FBXL7: variants seen among roughly 807,000 people sequenced by gnomAD.
FBXL7 encodes F-box and leucine rich repeat protein 7.
Under a neutral mutation model 38.3 loss-of-function variants are expected in FBXL7, and 12 were observed. The ratio of observed to expected loss-of-function variants is 0.31; its 90% confidence interval spans 0.20 to 0.51. The LOEUF is 0.51. Ranked by LOEUF, FBXL7 falls within the 20% of genes least tolerant of loss-of-function variation. The probability of loss-of-function intolerance (pLI) is 0.98; values close to 1 mark genes in which losing one functional copy is unlikely to be tolerated. For missense variants in FBXL7, 567 were observed against 676.4 expected (o/e 0.84, Z 1.79); for synonymous variants, 297 against 300.9 (o/e 0.99, Z 0.13).
chr5:15,768,688 T>C lies in FBXL7; in HGVS notation c.127+152616T>C, dbSNP rs1027452145. Among the ~76,000 whole-genome samples, 5 of 152,184 alleles carry C rather than the reference T, an allele frequency of 3.3e-5. No homozygotes were observed. In the East Asian group the frequency reaches 7.7e-4, roughly 23 times the overall value. On this transcript the variant is annotated intron_variant, in intron 2 of 3. Transcript: ENST00000504595. ...TCTGGGATGGGGCTGGTCATGATAGTACACACAGAGCGTGGTCCACTCATG... is the reference window on the plus strand; with the variant it reads ...TCTGGGATGGGGCTGGTCATGATAGCACACACAGAGCGTGGTCCACTCATG...
At chr5:15,622,517 T>C (rs1426371993) in intron 2 of FBXL7, among the ~76,000 whole-genome samples, 1 of 152,114 alleles carries the variant, frequency 6.6e-6, no homozygotes, top group African/African-American at 2.4e-5. Flanking sequence ...TTCCCACCTA[T>C]GAGTGAGAAC....
intron 1 of FBXL7, among the ~76,000 whole-genome samples, chr5:15,612,123 C>A (rs1561051213): frequency 1.3e-5 from 2 of 151,854 alleles, no homozygotes; most frequent in African/African-American, 4.8e-5. Flanking sequence ...CACAATCCAC[C>A]CCCCCAAGAA....
intron 2 of FBXL7, among the ~76,000 whole-genome samples, chr5:15,651,609 T>G (rs1290730500): frequency 6.6e-6 from 1 of 152,190 alleles, no homozygotes; most frequent in South Asian, 2.1e-4. Context: ...GTTAAAATAT[T>G]CAGTAAACTA....
chr5:15,624,760 G>C lies in FBXL7; in HGVS notation c.127+8688G>C, dbSNP rs140440676. On this transcript the variant is annotated intron_variant, in intron 2 of 3. Coordinates refer to ENST00000504595, the MANE Select transcript of FBXL7 (RefSeq NM_012304.5). The stretch of plus-strand genomic sequence containing the variant: ...TAGTTTTGTTTAGAAATAACTCCAA[G>C]AACAGTTTTTATATTTTATTTTCAC... 4.7e-3 allele frequency among the ~76,000 whole-genome samples: 718 copies of C among 152,104 alleles called. 5 individuals are homozygous for C. Among genetic ancestry groups the C allele is most frequent in the African/African-American group, 0.017 (698 of 41,496 alleles).
intron 2 of FBXL7, among the ~76,000 whole-genome samples, chr5:15,742,589 G>A (rs1321805771): frequency 6.6e-6 from 1 of 152,194 alleles, no homozygotes; most frequent in African/African-American, 2.4e-5. Flanking sequence ...GAACAGGTAG[G>A]ACTACATTGT....
chr5:15,879,403 A>G (rs1356452214), intron 2 of FBXL7, among the ~76,000 whole-genome samples: 1 of 152,174 alleles, frequency 6.6e-6, no homozygotes, highest in Admixed American at 6.6e-5. Flanking sequence ...AGTCTGCACC[A>G]TACTTAGCCT....
At chr5:15,763,639 A>AT (rs1300818603) in intron 2 of FBXL7, among the ~76,000 whole-genome samples, 11 of 152,140 alleles carry the variant, frequency 7.2e-5, no homozygotes, top group Non-Finnish European at 1.5e-5. Flanking sequence ...TCAGAGCATT[A>AT]TTTTTTATCT....
intron 2 of FBXL7, among the ~76,000 whole-genome samples, chr5:15,707,326 A>G (rs941038431): frequency 3.9e-5 from 6 of 152,056 alleles, no homozygotes; most frequent in South Asian, 2.1e-4. Context: ...CATATATCCT[A>G]TTCTTTCTGT....
intron 1 of FBXL7, among the ~76,000 whole-genome samples, chr5:15,554,958 T>C (rs1470686166): frequency 2.0e-5 from 3 of 152,230 alleles, no homozygotes; most frequent in Non-Finnish European, 4.4e-5. Context: ...CTGTGAAATA[T>C]GTAAGTCCTT....
intron 2 of FBXL7, among the ~76,000 whole-genome samples, chr5:15,720,144 A>C (rs150592818): frequency 6.7e-6 from 1 of 149,274 alleles, no homozygotes; most frequent in African/African-American, 2.4e-5. Flanking sequence ...ATAAACCATA[A>C]TACCAACAAA....
chr5:15,930,424 C>A (rs1401012131), intron 3 of FBXL7, among the ~76,000 whole-genome samples: 2 of 151,854 alleles, frequency 1.3e-5, no homozygotes, highest in Non-Finnish European at 2.9e-5. Flanking sequence ...TTTTGGAATC[C>A]CTATCTTTGT....
chr5:15,563,615 C>T (rs1738479612), intron 1 of FBXL7, among the ~76,000 whole-genome samples: 1 of 152,054 alleles, frequency 6.6e-6, no homozygotes, highest in African/African-American at 2.4e-5. Flanking sequence ...CTTCTCTGCT[C>T]CTGGCTCCTA....
At position 15,936,385 on chromosome 5, in the gene FBXL7, C is replaced by G; in HGVS notation, c.740-65C>G. The G allele has an allele frequency of 6.4e-7, 1 of 1,550,468 alleles. No homozygotes were observed. The highest frequency in any genetic ancestry group is 8.7e-7 in the Non-Finnish European group (1 of 1,147,510). On this transcript the variant is annotated intron_variant, in intron 3 of 3. Coordinates refer to ENST00000504595, the MANE Select transcript of FBXL7 (RefSeq NM_012304.5). This position sits in a 1 kb window ranked among gnomAD's most constrained non-coding sequence, Gnocchi z 6.0. The stretch of plus-strand genomic sequence containing the variant: ...GGCGAGGGTCAGGAATGCCCCAGGG[C>G]ATCCCCAGGCGTGGCTCCCCTGCTG...
rs986361432 is a variant in FBXL7, at chr5:15,785,197, C to T, written c.128-142693C>T. On this transcript the variant is annotated intron_variant, in intron 2 of 3. Coordinates refer to ENST00000504595, the MANE Select transcript of FBXL7 (RefSeq NM_012304.5). ...CATTGCCACATGTATACATACATTG[C>T]GTGCTCTGCATCGCTCTGACCAAAC... Among the ~76,000 whole-genome samples the T allele has an allele frequency of 3.3e-5, 5 of 152,222 alleles. No homozygotes were observed. The South Asian group carries it at 8.3e-4, about 25-fold the overall frequency.
At chr5:15,783,628 C>T (rs1351758665) in intron 2 of FBXL7, among the ~76,000 whole-genome samples, 2 of 152,024 alleles carry the variant, frequency 1.3e-5, no homozygotes, top group Non-Finnish European at 2.9e-5. Flanking sequence ...AACCCCAAGC[C>T]CTGAGGTTCA....
chr5:15,692,464 T>G (rs1430458985), intron 2 of FBXL7, among the ~76,000 whole-genome samples: 1 of 152,240 alleles, frequency 6.6e-6, no homozygotes, highest in Non-Finnish European at 1.5e-5. Context: ...TTACAAGCTA[T>G]TCATTTAATA....
intron 1 of FBXL7, among the ~76,000 whole-genome samples, chr5:15,535,840 G>A (rs1355704547): frequency 6.6e-6 from 1 of 152,252 alleles, no homozygotes; most frequent in Non-Finnish European, 1.5e-5. Context: ...ATTTGCATAA[G>A]TAATAAGGAG....
intron 2 of FBXL7, among the ~76,000 whole-genome samples, chr5:15,899,425 T>G (rs1344392019): frequency 2.0e-5 from 3 of 152,228 alleles, no homozygotes; most frequent in African/African-American, 7.2e-5. Context: ...ATGATTCAAG[T>G]GTTCTGCTGA....
intron 2 of FBXL7, among the ~76,000 whole-genome samples, chr5:15,860,987 T>C (rs749517421): frequency 6.6e-6 from 1 of 152,170 alleles, no homozygotes; most frequent in Non-Finnish European, 1.5e-5. Context: ...CACCACACTT[T>C]TTGCTACCCT....
Sources: gnomAD v4.1 joint callset for allele counts (sites outside exome capture counted in the v4.1 genomes callset) on GRCh38, gnomAD v4.1.1 for gene constraint, Gnocchi (gnomAD v3.1) non-coding constraint, MANE v1.5 for transcripts, NCBI Gene and HGNC (gene_info 2026-07-23, HGNC 2026-07-21) for gene names.